The following AFF3 variants were observed in gnomAD, a reference collection of about 807,000 sequenced individuals.
The protein encoded by AFF3 is ALF transcription elongation factor 3, also known as AF4/FMR2 family member 3.
AFF3 carries 32 observed loss-of-function variants against 129.7 expected under a neutral mutation model. The observed-to-expected ratio is 0.25, with a 90% CI of 0.19 to 0.33. The LOEUF is 0.33. AFF3 is among the 10% of genes least tolerant of loss of function. The pLI, the probability that AFF3 is intolerant of heterozygous loss-of-function variation, is 1.00. For missense variants in AFF3, 1,373 were observed against 1,592.0 expected, an observed-to-expected ratio of 0.86 and a Z score of 2.34; for synonymous variants, 644 against 635.4, an observed-to-expected ratio of 1.01 and a Z score of -0.20.
intron 18 of AFF3, among the ~76,000 whole-genome samples, chr2:99,572,286 T>TCCCCCCC (rs1383965658): frequency 2.2e-3 from 102 of 45,736 alleles, no homozygotes; most frequent in South Asian, 2.9e-3. Context: ...CTCTTCCCCC[T>TCCCCCCC]CCCACCACCC....
chr2:100,140,314 G>A lies in AFF3; in HGVS notation c.-228+2170C>T, dbSNP rs534683977. ...TCTGAGTAGTGGTGTAGAAAAAATG[G>A]TTGGAATTTAGAAACCAGCATCCAG... On this transcript the variant is annotated intron_variant, in intron 1 of 24. Transcript: ENST00000672756. Among the ~76,000 whole-genome samples, 3 of 152,300 alleles carry A rather than the reference G, an allele frequency of 2.0e-5. No homozygotes were observed. In the South Asian group the frequency reaches 6.2e-4, roughly 32 times the overall value.
At chr2:99,948,176 C>T (rs1446486093) in intron 7 of AFF3, among the ~76,000 whole-genome samples, 2 of 152,176 alleles carry the variant, frequency 1.3e-5, no homozygotes, top group Non-Finnish European at 2.9e-5. Context: ...TACAGGTCAC[C>T]ATCTAGGGTG....
intron 17 of AFF3, among the ~76,000 whole-genome samples, chr2:99,579,880 A>G (rs1019605445): frequency 1.3e-5 from 2 of 152,242 alleles, no homozygotes; most frequent in African/African-American, 4.8e-5. Flanking sequence ...TGGTTAGGAA[A>G]TGCAAATGGT....
intron 7 of AFF3, among the ~76,000 whole-genome samples, chr2:99,891,359 T>C (rs1157012905): frequency 6.6e-6 from 1 of 152,040 alleles, no homozygotes; most frequent in Non-Finnish European, 1.5e-5. Flanking sequence ...GCTTTTGCTG[T>C]CTCCGGGAAT....
intron 7 of AFF3, among the ~76,000 whole-genome samples, chr2:99,850,481 C>A (rs1020360844): frequency 6.6e-6 from 1 of 152,134 alleles, no homozygotes; most frequent in Admixed American, 6.6e-5. Context: ...ATTCCAGACA[C>A]GGGAGTTTGA....
At chr2:99,556,915 GAA>G (rs771684956) in intron 22 of AFF3, among the ~76,000 whole-genome samples, 3 of 135,694 alleles carry the variant, frequency 2.2e-5, no homozygotes, top group African/African-American at 8.0e-5. Context: ...GAACGGGACA[GAA>G]AAAAAAAAAA....
At chr2:99,791,493 C>T (rs149788902) in intron 8 of AFF3, among the ~76,000 whole-genome samples, 4 of 152,296 alleles carry the variant, frequency 2.6e-5, no homozygotes, top group African/African-American at 9.6e-5. Context: ...CTTTCCCTGG[C>T]GCCTGAACGT....
intron 7 of AFF3, 89 bp from the exon 8 acceptor site, chr2:99,837,613 A>G: frequency 8.3e-7 from 1 of 1,204,552 alleles, no homozygotes; most frequent in Non-Finnish European, 1.2e-6. Context: ...GTCCCCCCCA[A>G]CAAAAAAATT....
At chr2:99,638,557 GT>G (rs1558681070) in intron 13 of AFF3, among the ~76,000 whole-genome samples, 1 of 152,118 alleles carries the variant, frequency 6.6e-6, no homozygotes, top group Non-Finnish European at 1.5e-5. Flanking sequence ...GTGCCCAGCT[GT>G]CCCCCCGCCC....
At chr2:99,653,055 G>A (rs548497373) in intron 12 of AFF3, among the ~76,000 whole-genome samples, 3 of 152,228 alleles carry the variant, frequency 2.0e-5, no homozygotes, top group South Asian at 2.1e-4. Flanking sequence ...CTGATAAAAC[G>A]CACCCAGCAG....
intron 7 of AFF3, among the ~76,000 whole-genome samples, chr2:99,942,861 A>G (rs1469659662): frequency 1.3e-5 from 2 of 152,028 alleles, no homozygotes; most frequent in Admixed American, 1.3e-4. Flanking sequence ...GCTCAGTGAC[A>G]CCTTTATCTG....
chr2:100,106,749 A>C (rs1559130100), intron 2 of AFF3: 1 of 985,454 alleles, frequency 1.0e-6, no homozygotes, highest in Non-Finnish European at 1.2e-6. Flanking sequence ...TGTTTATACA[A>C]AGGAGGGCCG....
rs1674136770 is a variant in AFF3 at position 99,547,797 on chromosome 2, T to C, written c.*3677A>G. ...GCATTTATACAAACTGTGTATATTATGTATGGGGTGTCAGAAATGTACACA... is the reference window on the plus strand; with the variant it reads ...GCATTTATACAAACTGTGTATATTACGTATGGGGTGTCAGAAATGTACACA... On this transcript the variant is annotated 3_prime_UTR_variant, in exon 25 of 25. Transcript: ENST00000672756. The C allele has an allele frequency of 4.8e-6, 1 of 210,342 alleles. No homozygotes were observed. The allele number at this position is 210,342 out of a possible 1,614,324, so 13.0% of individuals were successfully genotyped here. A position where few individuals can be genotyped will look rare whatever the true frequency, so the allele number is the denominator to read the frequency against.
chr2:99,796,411 T>C (rs1685562362), intron 8 of AFF3, among the ~76,000 whole-genome samples: 1 of 152,234 alleles, frequency 6.6e-6, no homozygotes, highest in Admixed American at 6.5e-5. Context: ...GTTTCTTATT[T>C]GGAACAAATG....
chr2:99,762,372 G>A (rs1045080347), intron 8 of AFF3, among the ~76,000 whole-genome samples: 6 of 152,060 alleles, frequency 3.9e-5, no homozygotes, highest in Non-Finnish European at 5.9e-5. Flanking sequence ...CGATCCACCT[G>A]CCTTGGCCTC....
intron 8 of AFF3, among the ~76,000 whole-genome samples, chr2:99,809,627 T>A (rs191605882): frequency 4.4e-4 from 67 of 152,282 alleles, no homozygotes; most frequent in African/African-American, 1.3e-3. Flanking sequence ...GTAGGGGATG[T>A]TCTGGGATTG....
At chr2:99,829,578 A>G (rs1168925358) in intron 8 of AFF3, among the ~76,000 whole-genome samples, 2 of 152,356 alleles carry the variant, frequency 1.3e-5, no homozygotes, top group Non-Finnish European at 2.9e-5. Flanking sequence ...CAAAACTACA[A>G]TGTGATATCA....
chr2:99,670,577 T>C (rs980520129), intron 12 of AFF3, among the ~76,000 whole-genome samples: 63 of 152,212 alleles, frequency 4.1e-4, no homozygotes, highest in African/African-American at 9.6e-4. Flanking sequence ...GCTATGCTGC[T>C]TCCGGGATAA....
rs1181843874 is a variant in AFF3 at position 99,550,131 on chromosome 2, A to G, written c.*1343T>C. On this transcript the variant is annotated 3_prime_UTR_variant, in exon 25 of 25. Coordinates refer to ENST00000672756, the MANE Select transcript of AFF3 (RefSeq NM_001386135.1). The stretch of plus-strand genomic sequence containing the variant: ...TAGGGCATAAGACACTACAAAAGAA[A>G]AAACATCAGACAAAAACTGTAAACA... 1 of 228,322 alleles carries G rather than the reference A, an allele frequency of 4.4e-6. No homozygotes were observed. Among genetic ancestry groups the G allele is most frequent in the African/African-American group, 2.2e-5 (1 of 45,094 alleles). The allele number at this position is 228,322 out of a possible 1,614,324, so 14.1% of individuals were successfully genotyped here. A position where few individuals can be genotyped will look rare whatever the true frequency, so the allele number is the denominator to read the frequency against.
Sources: allele counts gnomAD v4.1 joint callset (sites outside exome capture counted in the v4.1 genomes callset), GRCh38; gene constraint gnomAD v4.1.1; transcripts MANE v1.5; gene names NCBI Gene and HGNC (gene_info 2026-07-23, HGNC 2026-07-21).